Variants in NFIB observed in about 807,000 individuals in gnomAD.
NFIB encodes nuclear factor 1 B-type.
NFIB carries 11 observed loss-of-function variants against 61.5 expected under a neutral mutation model. The ratio of observed to expected loss-of-function variants is 0.18; its 90% CI spans 0.11 to 0.30. The LOEUF (loss-of-function observed/expected upper bound fraction) is 0.30. Among genes scored for constraint, NFIB ranks in the 10% least tolerant of loss-of-function variants. The pLI, the probability that NFIB is intolerant of heterozygous loss-of-function variation, is 1.00. For synonymous variants in NFIB, 260 were observed against 216.5 expected, an observed-to-expected ratio of 1.20 and a Z score of -1.76; for missense variants, 471 against 608.9, an observed-to-expected ratio of 0.77 and a Z score of 2.38.
At chr9:14,179,595 C>T in intron 3 of NFIB, 132 bp downstream of exon 3, 1 of 857,750 alleles carries the variant, frequency 1.2e-6, no homozygotes, top group South Asian at 1.9e-5. Context: ...AGCACAATCA[C>T]ATCTTGTCCC....
At chr9:14,154,008 A>G (rs1365405744) in intron 4 of NFIB, among the ~76,000 whole-genome samples, 1 of 152,194 alleles carries the variant, frequency 6.6e-6, no homozygotes, top group Non-Finnish European at 1.5e-5. Flanking sequence ...GTTATAACAA[A>G]TAACCTAAAA....
chr9:14,237,650 C>G (rs10756542), intron 2 of NFIB, among the ~76,000 whole-genome samples: 5 of 151,828 alleles, frequency 3.3e-5, no homozygotes, highest in Admixed American at 2.0e-4. Flanking sequence ...TTAAATAACT[C>G]CCAAATAGCC....
chr9:14,348,499 C>G (rs2061062244), intron 1 of NFIB, among the ~76,000 whole-genome samples: 1 of 152,222 alleles, frequency 6.6e-6, no homozygotes, highest in African/African-American at 2.4e-5. Flanking sequence ...CAGAACGCAG[C>G]TTTCGTTCCT....
intron 1 of NFIB, among the ~76,000 whole-genome samples, chr9:14,360,133 A>G (rs2061221487): frequency 6.6e-6 from 1 of 152,226 alleles, no homozygotes; most frequent in Admixed American, 6.5e-5. Flanking sequence ...CAATCAGGAA[A>G]ATATATAGCA....
chr9:14,300,669 C>A (rs907161875), intron 2 of NFIB, among the ~76,000 whole-genome samples: 5 of 152,170 alleles, frequency 3.3e-5, no homozygotes, highest in African/African-American at 9.7e-5. Context: ...ATCATGTAAG[C>A]CACCATGATA....
chr9:14,528,045 G>A, the NFIB span, among the ~76,000 whole-genome samples: 855 of 152,162 alleles, frequency 5.6e-3, 10 homozygotes, highest in African/African-American at 0.02. Context: ...ACATATACTA[G>A]TTTCAGCATT....
intron 2 of NFIB, among the ~76,000 whole-genome samples, chr9:14,299,504 C>A (rs1364921134): frequency 6.6e-6 from 1 of 152,094 alleles, no homozygotes; most frequent in Non-Finnish European, 1.5e-5. Flanking sequence ...TGAAATAATT[C>A]TTTTCTTAAA....
chr9:14,342,363 G>A (rs953146285), intron 1 of NFIB, among the ~76,000 whole-genome samples: 19 of 152,238 alleles, frequency 1.2e-4, no homozygotes, highest in African/African-American at 4.6e-4. Context: ...ACTGGGGCAA[G>A]TGGCATGAAT....
chr9:14,152,996 T>G (rs910828709), intron 4 of NFIB, among the ~76,000 whole-genome samples: 1 of 152,034 alleles, frequency 6.6e-6, no homozygotes. Flanking sequence ...AACAATATAT[T>G]ACATATTTTA....
At chr9:14,454,426 T>G in the NFIB span, among the ~76,000 whole-genome samples, 107 of 152,380 alleles carry the variant, frequency 7.0e-4, 1 homozygote, top group South Asian at 5.2e-3. Context: ...TTCAAAGCAT[T>G]TGACCAGGAG....
intron 2 of NFIB, among the ~76,000 whole-genome samples, chr9:14,188,296 C>T (rs771048139): frequency 6.7e-6 from 1 of 149,750 alleles, no homozygotes; most frequent in Non-Finnish European, 1.5e-5. Context: ...GGAAAGAGTC[C>T]CTGGGAGCAA....
At chr9:14,247,655 T>C (rs1226330608) in intron 2 of NFIB, among the ~76,000 whole-genome samples, 3 of 152,226 alleles carry the variant, frequency 2.0e-5, no homozygotes, top group African/African-American at 7.2e-5. Flanking sequence ...TTTCACTGGA[T>C]ATAAAATTAA....
chr9:14,531,358 T>C, the NFIB span, among the ~76,000 whole-genome samples: 1 of 152,170 alleles, frequency 6.6e-6, no homozygotes, highest in Non-Finnish European at 1.5e-5. Context: ...TGAATATGCA[T>C]ATCCTCATTA....
intron 2 of NFIB, among the ~76,000 whole-genome samples, chr9:14,281,850 GTT>G (rs141780103): frequency 3.3e-5 from 5 of 151,656 alleles, no homozygotes; most frequent in African/African-American, 1.2e-4. Context: ...CCCCACACGT[GTT>G]TTTTTTAGGG....
At chr9:14,121,571 TCTC>T (rs1311395063) in intron 7 of NFIB, among the ~76,000 whole-genome samples, 4 of 152,192 alleles carry the variant, frequency 2.6e-5, no homozygotes, top group Non-Finnish European at 5.9e-5. Flanking sequence ...AGCTAGAAAC[TCTC>T]CTAATGAAAA....
chr9:14,230,887 G>C (rs1587789210), intron 2 of NFIB, among the ~76,000 whole-genome samples: 1 of 151,780 alleles, frequency 6.6e-6, no homozygotes, highest in African/African-American at 2.4e-5. Flanking sequence ...GCCCTGGAAA[G>C]CCCAGCTTGG....
intron 2 of NFIB, among the ~76,000 whole-genome samples, chr9:14,246,295 C>T (rs781549696): frequency 6.6e-4 from 101 of 152,260 alleles, no homozygotes; most frequent in Non-Finnish European, 1.2e-3. Context: ...TAAACTCCGA[C>T]CCATTAGATG....
At chr9:14,209,650 C>A (rs771699034) in intron 2 of NFIB, among the ~76,000 whole-genome samples, 2 of 152,322 alleles carry the variant, frequency 1.3e-5, no homozygotes, top group Middle Eastern at 3.4e-3. Flanking sequence ...GGACGCTTTG[C>A]TGCGCAATCA....
chr9:14,126,674 C>T lies in NFIB; in HGVS notation c.926-908G>A, dbSNP rs377479221. On this transcript the variant is annotated intron_variant, in intron 6 of 10. Coordinates refer to ENST00000380953, the MANE Select transcript of NFIB (RefSeq NM_001190737.2). Reference sequence around the variant, plus strand: ...CAGGTCCCACAGGATGACGGGTCTCCAGCTTCCTGTACAAACGTCTGAATG... The same window carrying T: ...CAGGTCCCACAGGATGACGGGTCTCTAGCTTCCTGTACAAACGTCTGAATG... Among the ~76,000 whole-genome samples, 7 of 152,304 alleles carry T rather than the reference C, an allele frequency of 4.6e-5. No individual in the cohort carries two copies. In the East Asian group the frequency reaches 7.7e-4, roughly 17 times the overall value.
Sources: gnomAD v4.1 joint callset for allele counts (sites outside exome capture counted in the v4.1 genomes callset) on GRCh38, gnomAD v4.1.1 for gene constraint, MANE v1.5 for transcripts, NCBI Gene and HGNC (gene_info 2026-07-23, HGNC 2026-07-21) for gene names.